QSOX2: variants seen among roughly 807,000 people sequenced by gnomAD.
QSOX2 encodes the protein quiescin sulfhydryl oxidase 2.
QSOX2 carries 46 observed loss-of-function variants against 61.7 expected under a neutral mutation model. The ratio of observed to expected loss-of-function variants is 0.75; its 90% CI spans 0.59 to 0.95. QSOX2 has a LOEUF of 0.95. QSOX2 is among the 40% of genes least tolerant of loss of function. The pLI is 0.00. For missense variants in QSOX2, 879 were observed against 918.9 expected (o/e 0.96, Z 0.56); for synonymous variants, 383 against 388.4 (o/e 0.99, Z 0.16).
At chr9:136,236,493 C>T (rs1043716917) in intron 1 of QSOX2, among the ~76,000 whole-genome samples, 8 of 152,370 alleles carry the variant, frequency 5.3e-5, no homozygotes, top group African/African-American at 1.9e-4. Context: ...AGGCTTTCCT[C>T]ACGACAGCAG....
intron 1 of QSOX2, among the ~76,000 whole-genome samples, chr9:136,236,134 CCA>C (rs1830379248): frequency 6.6e-6 from 1 of 152,204 alleles, no homozygotes; most frequent in South Asian, 2.1e-4. Flanking sequence ...CCCACCACCT[CCA>C]CTCAGCTGTC....
intron 1 of QSOX2, among the ~76,000 whole-genome samples, chr9:136,242,409 G>T (rs991259238): frequency 3.3e-5 from 5 of 152,274 alleles, no homozygotes; most frequent in Non-Finnish European, 5.9e-5. Flanking sequence ...ACCAGTGGGA[G>T]AAGGCGGCTG....
chr9:136,245,511 G>A lies in QSOX2; in HGVS notation c.293C>T (p.Ala98Val). ...CCCAGCCAGGGCCCGCCAAGTGGGC[G>A]CGTAGCCGATGCAGTGGCCACACCA... The part of the protein sequence containing the change: ...SSWCGHCIGY[A>V]PTWRALAGDV... The change falls in exon 1 of 12, where the codon GCG becomes GTG. Residue 98 changes from alanine to valine, a missense_variant. Transcript: ENST00000358701. 6.3e-7 allele frequency: 1 copy of A among 1,594,098 alleles called. No individual in the cohort carries two copies. The highest frequency in any genetic ancestry group is 1.1e-5 in the South Asian group (1 of 90,794).
intron 1 of QSOX2, among the ~76,000 whole-genome samples, chr9:136,227,803 T>C (rs557967288): frequency 3.1e-4 from 47 of 152,106 alleles, no homozygotes; most frequent in Middle Eastern, 3.4e-3. Context: ...GGTAAAACCC[T>C]GTCTCTAAAA....
Position 136,224,868 on chromosome 9 carries a change from A to T in QSOX2, c.471T>A (p.Asn157Lys). Residue 157 changes from asparagine to lysine, a missense_variant, in exon 3 of 12, where the codon AAT becomes AAA. Physicochemically the swap from Asn to Lys is moderately conservative, Grantham distance 94. Coordinates refer to ENST00000358701, the MANE Select transcript of QSOX2 (RefSeq NM_181701.4). ...AFTKEFTTGE[N>K]FKGPDRELRT... ...CAATGCTTATGTCCTTACCTTTAAA[A>T]TTTTCTCCAGTTGTAAACTCCTTTG... 1 of 1,597,712 alleles carries T rather than the reference A, an allele frequency of 6.3e-7. No individual in the cohort carries two copies. Among genetic ancestry groups the T allele is most frequent in the Non-Finnish European group, 8.6e-7 (1 of 1,168,118 alleles).
intron 11 of QSOX2, chr9:136,210,660 T>C (rs938378755): frequency 1.0e-5 from 10 of 985,486 alleles, no homozygotes; most frequent in Middle Eastern, 5.2e-4. Context: ...AGCTGTAATA[T>C]GTTTTTCTAA....
intron 1 of QSOX2, among the ~76,000 whole-genome samples, chr9:136,244,303 G>A (rs1488159219): frequency 6.6e-6 from 1 of 152,166 alleles, no homozygotes; most frequent in Admixed American, 6.5e-5. Context: ...AGGGACATAA[G>A]AAAACATGAG....
At chr9:136,230,003 G>A (rs570305157) in intron 1 of QSOX2, among the ~76,000 whole-genome samples, 10 of 152,338 alleles carry the variant, frequency 6.6e-5, no homozygotes, top group South Asian at 2.1e-4. Context: ...CCTCCTGGCC[G>A]GGCGTGGTGG....
chr9:136,225,688 C>T (rs888424706), intron 2 of QSOX2, among the ~76,000 whole-genome samples: 11 of 152,372 alleles, frequency 7.2e-5, no homozygotes, highest in South Asian at 6.2e-4. Context: ...CCCGGGAAGG[C>T]GCACAGCAGC....
intron 1 of QSOX2, among the ~76,000 whole-genome samples, chr9:136,234,753 C>A (rs914167634): frequency 3.5e-5 from 5 of 143,942 alleles, no homozygotes; most frequent in Non-Finnish European, 6.0e-5. Context: ...CTCCACAAGG[C>A]CCCCCAGCTC....
intron 10 of QSOX2, 100 bp from the exon 11 acceptor site, chr9:136,211,552 C>G (rs994551797): frequency 1.7e-6 from 2 of 1,210,962 alleles, no homozygotes; most frequent in Non-Finnish European, 2.3e-6. Flanking sequence ...CCTGACATGT[C>G]GGGAAGCCAC....
At chr9:136,230,398 C>T (rs1830319630) in intron 1 of QSOX2, among the ~76,000 whole-genome samples, 1 of 152,230 alleles carries the variant, frequency 6.6e-6, no homozygotes, top group Non-Finnish European at 1.5e-5. Context: ...TCTGTAACAC[C>T]TGGAATGCAG....
chr9:136,211,457 AG>A lies in QSOX2; in HGVS notation c.1361-6del. On this transcript the variant is annotated splice_region_variant and splice_polypyrimidine_tract_variant and intron_variant, in intron 10 of 11. Coordinates refer to ENST00000358701, the MANE Select transcript of QSOX2 (RefSeq NM_181701.4). ...CCTGGGGGTCGTCTTCAAAGCCTGCAGGGGAAGAAACACTGCTGACAACGGC... is the reference window on the plus strand; with the variant it reads ...CCTGGGGGTCGTCTTCAAAGCCTGCAGGGAAGAAACACTGCTGACAACGGC... 6.2e-7 allele frequency: 1 copy of A among 1,612,756 alleles called. No homozygotes were observed. Among genetic ancestry groups the A allele is most frequent in the East Asian group, 2.2e-5 (1 of 44,850 alleles).
intron 1 of QSOX2, among the ~76,000 whole-genome samples, chr9:136,239,684 A>G (rs1191372190): frequency 4.6e-5 from 7 of 152,342 alleles, no homozygotes; most frequent in African/African-American, 1.7e-4. Context: ...CTACGCTCCC[A>G]ACACCACCAC....
At position 136,208,733 on chromosome 9, in the gene QSOX2, C is replaced by T. The variant is rs369747427; in HGVS notation, c.2092G>A (p.Val698Met). The T allele has an allele frequency of 5.9e-5, 94 of 1,602,652 alleles. No individual in the cohort carries two copies. Among genetic ancestry groups the T allele is most frequent in the Middle Eastern group, 1.7e-4 (1 of 6,034 alleles). ...GGCTGGCAGCACCCGGGCACTCACA[C>T]GGCCGGGTGGTGGTGCTTGACCTTC... ...RWKVKHHHPA[V>M] is the part of the protein sequence containing the mutation. The change falls in exon 12 of 12, where the codon GTG becomes ATG. Residue 698 changes from valine (V) to methionine (M), a missense_variant. Physicochemically the swap from Val to Met is conservative, Grantham distance 21 (BLOSUM62 1). Transcript: ENST00000358701.
chr9:136,209,464 G>A lies in QSOX2; in HGVS notation c.1550-189C>T, dbSNP rs1038891687. 2.0e-6 allele frequency: 2 copies of A among 985,262 alleles called. No homozygotes were observed. The highest frequency in any genetic ancestry group is 2.4e-6 in the Non-Finnish European group (2 of 829,914). 61.0% of individuals were successfully genotyped at this position (985,262 alleles called of 1,614,324 possible). ...TGCAGTTCGGCCCAGATAACATCCT[G>A]CTTCTGCAGGCCCCTGCGCACGTGT... On this transcript the variant is annotated intron_variant, in intron 11 of 11. Coordinates refer to ENST00000358701, the MANE Select transcript of QSOX2 (RefSeq NM_181701.4). The surrounding 1 kb of genome is among the most constrained non-coding windows in gnomAD (Gnocchi z 5.6).
chr9:136,216,629 C>T lies in QSOX2; in HGVS notation c.1180G>A (p.Val394Met), dbSNP rs200166292. Reference sequence around the variant, plus strand: ...ATCTTGTTGTTGACCAGGTCAAGCACGGCGTTGTAGGGGATCCTGTCCAGG... The same window carrying T: ...ATCTTGTTGTTGACCAGGTCAAGCATGGCGTTGTAGGGGATCCTGTCCAGG... ...LPLDRIPYNA[V>M]LDLVNNKMRI... Residue 394 changes from valine to methionine, a missense_variant, in exon 9 of 12, where the codon GTG becomes ATG. By Grantham distance (21) the Val-to-Met change is conservative (BLOSUM62 1). Coordinates refer to ENST00000358701, the MANE Select transcript of QSOX2 (RefSeq NM_181701.4). The T allele has an allele frequency of 1.3e-4, 208 of 1,613,792 alleles. 1 individual carries two copies. Among genetic ancestry groups the T allele is most frequent in the Admixed American group, 4.2e-4 (25 of 59,996 alleles).
At chr9:136,232,359 C>T (rs553903767) in intron 1 of QSOX2, among the ~76,000 whole-genome samples, 5 of 152,178 alleles carry the variant, frequency 3.3e-5, no homozygotes, top group African/African-American at 9.6e-5. Context: ...CACTTAAATA[C>T]GCACATTTTT....
chr9:136,245,222 G>C (rs1324373456), intron 1 of QSOX2, among the ~76,000 whole-genome samples: 1 of 152,212 alleles, frequency 6.6e-6, no homozygotes, highest in Non-Finnish European at 1.5e-5. Flanking sequence ...TTTGACTTCA[G>C]ACAGCCCAAC....
Sources: gnomAD v4.1 joint callset for allele counts (sites outside exome capture counted in the v4.1 genomes callset) on GRCh38, gnomAD v4.1.1 for gene constraint, Gnocchi (gnomAD v3.1) non-coding constraint, MANE v1.5 for transcripts, NCBI Gene and HGNC (gene_info 2026-07-23, HGNC 2026-07-21) for gene names.